KCND2: variants seen among roughly 807,000 people sequenced by gnomAD.
The protein encoded by KCND2 is potassium voltage-gated channel subfamily D member 2.
In KCND2, 16 loss-of-function variants were observed where a neutral mutation model predicts 54.4. That is an observed-to-expected ratio of 0.29 (90% CI 0.20 to 0.45). The LOEUF (loss-of-function observed/expected upper bound fraction) is 0.45. Among genes scored for constraint, KCND2 ranks in the 20% least tolerant of loss-of-function variants. The probability of loss-of-function intolerance (pLI) is 1.00; values close to 1 mark genes in which losing one functional copy is unlikely to be tolerated. For missense variants in KCND2, 486 were observed against 824.2 expected (o/e 0.59, Z 5.02); for synonymous variants, 317 against 310.7 (o/e 1.02, Z -0.21).
chr7:120,620,620 T>A (rs1366753158), intron 1 of KCND2, among the ~76,000 whole-genome samples: 1 of 152,198 alleles, frequency 6.6e-6, no homozygotes, highest in Admixed American at 6.5e-5. Flanking sequence ...AGAATTAAGC[T>A]AATTCTCTCC....
chr7:120,648,525 G>A (rs1190509925), intron 1 of KCND2, among the ~76,000 whole-genome samples: 1 of 152,128 alleles, frequency 6.6e-6, no homozygotes, highest in African/African-American at 2.4e-5. Flanking sequence ...GATGGAAGAA[G>A]GACCCTGAAA....
intron 1 of KCND2, among the ~76,000 whole-genome samples, chr7:120,664,112 A>G (rs1216864920): frequency 4.6e-5 from 7 of 152,110 alleles, no homozygotes; most frequent in Non-Finnish European, 8.8e-5. Flanking sequence ...AGACACACAC[A>G]CACTTTGAAT....
At chr7:120,633,904 T>C (rs1245461983) in intron 1 of KCND2, among the ~76,000 whole-genome samples, 1 of 152,134 alleles carries the variant, frequency 6.6e-6, no homozygotes, top group South Asian at 2.1e-4. Context: ...CAATTTTAAG[T>C]TGGGTAGTAT....
intron 1 of KCND2, among the ~76,000 whole-genome samples, chr7:120,646,884 T>C (rs984129148): frequency 6.6e-6 from 1 of 152,232 alleles, no homozygotes; most frequent in East Asian, 1.9e-4. Flanking sequence ...CCCTTGGTTT[T>C]GTTTACTCAG....
chr7:120,594,593 G>A (rs2116462322), intron 1 of KCND2, among the ~76,000 whole-genome samples: 1 of 152,284 alleles, frequency 6.6e-6, no homozygotes, highest in South Asian at 2.1e-4. Context: ...ACAAACTTCA[G>A]TCCATAGCAC....
intron 1 of KCND2, among the ~76,000 whole-genome samples, chr7:120,663,597 A>G (rs565483967): frequency 5.9e-5 from 9 of 152,212 alleles, no homozygotes; most frequent in Admixed American, 2.0e-4. Context: ...CTCTGGCTTC[A>G]TCTCCCTGAG....
intron 1 of KCND2, among the ~76,000 whole-genome samples, chr7:120,428,557 G>A (rs1406287188): frequency 6.6e-6 from 1 of 152,148 alleles, no homozygotes; most frequent in African/African-American, 2.4e-5. Flanking sequence ...TGTAGATGTG[G>A]CAAGTGGCAG....
At chr7:120,517,204 T>C (rs1274458362) in intron 1 of KCND2, among the ~76,000 whole-genome samples, 5 of 152,082 alleles carry the variant, frequency 3.3e-5, no homozygotes, top group African/African-American at 9.7e-5. Flanking sequence ...TAGTTAGTGA[T>C]TTTTTTCTGT....
At chr7:120,547,743 G>A (rs184050595) in intron 1 of KCND2, among the ~76,000 whole-genome samples, 1 of 152,168 alleles carries the variant, frequency 6.6e-6, no homozygotes, top group African/African-American at 2.4e-5. Context: ...ACTAACAGGT[G>A]CTTCCTACAT....
intron 1 of KCND2, among the ~76,000 whole-genome samples, chr7:120,373,872 ATC>A (rs1224776065): frequency 6.6e-6 from 1 of 151,980 alleles, no homozygotes; most frequent in East Asian, 1.9e-4. Flanking sequence ...TTTGAAGTTT[ATC>A]TGTTTCCATT....
chr7:120,622,326 T>C (rs1793109072), intron 1 of KCND2, among the ~76,000 whole-genome samples: 1 of 152,142 alleles, frequency 6.6e-6, no homozygotes. Flanking sequence ...CTAATGTATT[T>C]GGATTCATAG....
chr7:120,273,930 G>A lies in KCND2; in HGVS notation c.-703G>A, dbSNP rs1289379893. On this transcript the variant is annotated 5_prime_UTR_variant, in exon 1 of 6. Coordinates refer to ENST00000331113, the MANE Select transcript of KCND2 (RefSeq NM_012281.3). ...GGCGAACGCTTTTGGCAGACACAGA[G>A]GGTGTTTGTAGACGTGGGGGAGGAG... The A allele has an allele frequency of 2.0e-5, 3 of 153,260 alleles. No individual in the cohort carries two copies. The highest frequency in any genetic ancestry group is 7.2e-5 in the African/African-American group (3 of 41,456). The allele number at this position is 153,260 out of a possible 1,614,324, so 9.5% of individuals were successfully genotyped here.
At chr7:120,645,962 G>A (rs1489202223) in intron 1 of KCND2, among the ~76,000 whole-genome samples, 1 of 152,170 alleles carries the variant, frequency 6.6e-6, no homozygotes, top group African/African-American at 2.4e-5. Context: ...TATTTAGCAA[G>A]GTGAGAAAAT....
At chr7:120,538,103 G>A (rs934367324) in intron 1 of KCND2, among the ~76,000 whole-genome samples, 7 of 152,094 alleles carry the variant, frequency 4.6e-5, no homozygotes, top group South Asian at 2.1e-4. Context: ...AGTGAAAGAC[G>A]TGTGTCTCTT....
intron 1 of KCND2, among the ~76,000 whole-genome samples, chr7:120,366,074 G>C (rs1447971724): frequency 1.3e-5 from 2 of 152,082 alleles, no homozygotes; most frequent in Non-Finnish European, 2.9e-5. Context: ...AAACAGCATT[G>C]TGGTGAATCA....
intron 1 of KCND2, among the ~76,000 whole-genome samples, chr7:120,337,766 A>C (rs1313818021): frequency 6.6e-6 from 1 of 152,192 alleles, no homozygotes; most frequent in African/African-American, 2.4e-5. Flanking sequence ...TCGTTTACAA[A>C]AGTTGTAATG....
chr7:120,389,193 CA>C (rs1362506855), intron 1 of KCND2, among the ~76,000 whole-genome samples: 3 of 151,636 alleles, frequency 2.0e-5, no homozygotes, highest in African/African-American at 7.3e-5. Context: ...TTACTGAAGC[CA>C]AAAGGTCCAT....
upstream of KCND2, among the ~76,000 whole-genome samples, chr7:120,272,996 C>A (rs1799099587): frequency 6.6e-6 from 1 of 152,050 alleles, no homozygotes; most frequent in Admixed American, 6.5e-5. Context: ...CAGCCCAGCA[C>A]GTGAAGCTTC....
chr7:120,311,020 T>C (rs1021397345), intron 1 of KCND2, among the ~76,000 whole-genome samples: 3 of 152,226 alleles, frequency 2.0e-5, no homozygotes, highest in Middle Eastern at 3.4e-3. Context: ...CATGTATGTA[T>C]GTATATACAT....
Sources: gnomAD v4.1 joint callset for allele counts (sites outside exome capture counted in the v4.1 genomes callset) on GRCh38, gnomAD v4.1.1 for gene constraint, MANE v1.5 for transcripts, NCBI Gene and HGNC (gene_info 2026-07-23, HGNC 2026-07-21) for gene names.